Variants in GOT1 observed in about 807,000 individuals in gnomAD.
GOT1 encodes aspartate aminotransferase, cytoplasmic.
GOT1 carries 25 observed loss-of-function variants against 48.2 expected under a neutral mutation model. The observed-to-expected ratio is 0.52, with a 90% CI of 0.38 to 0.72. The LOEUF (loss-of-function observed/expected upper bound fraction) is 0.72. Among genes scored for constraint, GOT1 ranks in the 30% least tolerant of loss-of-function variants. The pLI, the probability that GOT1 is intolerant of heterozygous loss-of-function variation, is 0.00. For synonymous variants in GOT1, 188 were observed against 193.8 expected (o/e 0.97, Z 0.25); for missense variants, 380 against 520.1 (o/e 0.73, Z 2.62).
At chr10:99,406,113 T>C in intron 4 of GOT1, 24 bp downstream of exon 4, 4 of 1,455,674 alleles carry the variant, frequency 2.7e-6, no homozygotes, top group Non-Finnish European at 3.9e-6. Flanking sequence ...TGCAATTCTC[T>C]ACTTTTTCCT....
At position 99,429,109 on chromosome 10, in the gene GOT1, G is replaced by C. The variant is rs2033078716; in HGVS notation, c.118+1339C>G. Among the ~76,000 whole-genome samples the C allele has an allele frequency of 3.3e-5, 5 of 151,880 alleles. No homozygotes were observed. In the South Asian group the frequency reaches 1.0e-3, roughly 32 times the overall value. ...CTGTCGCCCAGCCTGGAGTGCAATG[G>C]CACGATCTCGGCTCACTGCAACCTC... On this transcript the variant is annotated intron_variant, in intron 1 of 8. Coordinates refer to ENST00000370508, the MANE Select transcript of GOT1 (RefSeq NM_002079.3).
Position 99,416,145 on chromosome 10 carries a change from T to C in GOT1, c.300+4479A>G, listed in dbSNP as rs145134531. ...GGTATTCAACTAGGAAAAGAGGAAG[T>C]CAAATTGTCCCTGTTTGCAGATGAC... On this transcript the variant is annotated intron_variant, in intron 2 of 8. Transcript: ENST00000370508. Among the ~76,000 whole-genome samples, 1,034 of 152,252 alleles carry C rather than the reference T, an allele frequency of 6.8e-3. 8 individuals are homozygous for C. The highest frequency in any genetic ancestry group is 0.012 in the Admixed American group (186 of 15,298).
Position 99,397,440 on chromosome 10 carries a change from A to G in GOT1, c.*107T>C. The G allele has an allele frequency of 1.7e-6, 2 of 1,206,988 alleles. No homozygotes were observed. The highest frequency in any genetic ancestry group is 2.4e-6 in the Non-Finnish European group (2 of 825,674). The allele number at this position is 1,206,988 out of a possible 1,614,324, so 74.8% of individuals were successfully genotyped here. On this transcript the variant is annotated 3_prime_UTR_variant, in exon 9 of 9. Transcript: ENST00000370508. The surrounding 1 kb of genome is among the most constrained non-coding windows in gnomAD (Gnocchi z 5.4). ...GGCTGCCTCACCAGAGCAGCCTTTC[A>G]GTCCTGCAAGTGTCTCTAATCCATG...
intron 2 of GOT1, among the ~76,000 whole-genome samples, chr10:99,412,135 CAGGCAA>C (rs2032834603): frequency 6.6e-6 from 1 of 152,012 alleles, no homozygotes; most frequent in Non-Finnish European, 1.5e-5. Context: ...AGAGAAGGGC[CAGGCAA>C]AGGTTCTTAG....
chr10:99,404,280 G>T lies in GOT1; in HGVS notation c.643-406C>A, dbSNP rs573199972. ...TACTCAAGAGGAAGGGAACAGAGTA[G>T]CCTCCATTCCTGTCACTCATCTCCT... On this transcript the variant is annotated intron_variant, in intron 5 of 8. Coordinates refer to ENST00000370508, the MANE Select transcript of GOT1 (RefSeq NM_002079.3). Among the ~76,000 whole-genome samples, 67 of 152,260 alleles carry T rather than the reference G, an allele frequency of 4.4e-4. 1 individual carries two copies. In the South Asian group the frequency reaches 0.013, roughly 31 times the overall value.
intron 1 of GOT1, among the ~76,000 whole-genome samples, chr10:99,425,427 G>A (rs974513801): frequency 6.6e-6 from 1 of 152,200 alleles, no homozygotes; most frequent in Admixed American, 6.5e-5. Flanking sequence ...GATCATTTGA[G>A]TGACACCACA....
At chr10:99,402,517 G>GT in intron 8 of GOT1, 63 bp downstream of exon 8, 1 of 1,560,682 alleles carries the variant, frequency 6.4e-7, no homozygotes. Context: ...CAAGGCGAGC[G>GT]ACTGAAAGGA....
intron 1 of GOT1, among the ~76,000 whole-genome samples, chr10:99,421,610 A>G (rs1323963538): frequency 6.6e-6 from 1 of 152,192 alleles, no homozygotes; most frequent in African/African-American, 2.4e-5. Context: ...ACTCTGAGTT[A>G]TCCAGCACCA....
At chr10:99,414,939 A>G (rs1278865952) in intron 2 of GOT1, among the ~76,000 whole-genome samples, 2 of 151,998 alleles carry the variant, frequency 1.3e-5, no homozygotes, top group East Asian at 3.9e-4. Context: ...CACATTTAAA[A>G]CAGTGTGTAG....
chr10:99,409,666 T>C (rs779273569), intron 2 of GOT1, among the ~76,000 whole-genome samples: 7 of 152,112 alleles, frequency 4.6e-5, no homozygotes, highest in Non-Finnish European at 7.4e-5. Flanking sequence ...ATAAGAGATA[T>C]AAAACCAATC....
intron 2 of GOT1, among the ~76,000 whole-genome samples, chr10:99,420,011 G>T (rs1158378965): frequency 6.6e-6 from 1 of 152,180 alleles, no homozygotes; most frequent in Non-Finnish European, 1.5e-5. Flanking sequence ...GAGATCAACA[G>T]TAGAAGTATT....
intron 1 of GOT1, among the ~76,000 whole-genome samples, chr10:99,424,938 T>C (rs1031339013): frequency 3.9e-5 from 6 of 152,186 alleles, no homozygotes; most frequent in African/African-American, 1.4e-4. Flanking sequence ...TTTTTATTCC[T>C]ATTTGTTGGA....
intron 2 of GOT1, among the ~76,000 whole-genome samples, chr10:99,413,071 C>T (rs376840049): frequency 2.6e-5 from 4 of 152,196 alleles, no homozygotes; most frequent in Admixed American, 6.5e-5. Flanking sequence ...TCACCAGCAA[C>T]GGAACAAAGC....
At chr10:99,406,115 CT>C (rs147400601) in intron 4 of GOT1, 21 bp downstream of exon 4, 112,350 of 1,483,752 alleles carry the variant, frequency 0.076, 5,052 homozygotes, top group Middle Eastern at 0.096. Context: ...CAATTCTCTA[CT>C]TTTTCCTCTA....
chr10:99,413,939 A>G (rs2032860381), intron 2 of GOT1, among the ~76,000 whole-genome samples: 1 of 152,222 alleles, frequency 6.6e-6, no homozygotes. Context: ...TCCTGAAGGA[A>G]GCACTAAATA....
chr10:99,411,885 G>A (rs1169325715), intron 2 of GOT1, among the ~76,000 whole-genome samples: 1 of 152,166 alleles, frequency 6.6e-6, no homozygotes, highest in Non-Finnish European at 1.5e-5. Context: ...ACTCTCCTGG[G>A]GAAAGTTAGG....
intron 2 of GOT1, among the ~76,000 whole-genome samples, chr10:99,416,757 C>G (rs1375014130): frequency 6.6e-6 from 1 of 152,086 alleles, no homozygotes; most frequent in South Asian, 2.1e-4. Context: ...CAGAACAGAG[C>G]CCTCAGAAAT....
At chr10:99,406,359 A>G (rs2032755685) in intron 3 of GOT1, 110 bp from the exon 4 acceptor site, 3 of 758,882 alleles carry the variant, frequency 4.0e-6, no homozygotes, top group Non-Finnish European at 7.0e-6. Flanking sequence ...TCCACTGGGC[A>G]TCATCCAGGC....
chr10:99,427,081 T>A (rs1183281766), intron 1 of GOT1, among the ~76,000 whole-genome samples: 1 of 152,202 alleles, frequency 6.6e-6, no homozygotes, highest in Non-Finnish European at 1.5e-5. Flanking sequence ...CGGGTCACAG[T>A]GATGATCAAA....
Sources: gnomAD v4.1 joint callset for allele counts (sites outside exome capture counted in the v4.1 genomes callset) on GRCh38, gnomAD v4.1.1 for gene constraint, Gnocchi (gnomAD v3.1) non-coding constraint, MANE v1.5 for transcripts, NCBI Gene and HGNC (gene_info 2026-07-23, HGNC 2026-07-21) for gene names.